The following PRMT9 variants were observed in gnomAD, a reference collection of about 807,000 sequenced individuals.
PRMT9 encodes the protein protein arginine N-methyltransferase 9.
A neutral mutation model predicts 83.2 loss-of-function variants in PRMT9; 59 were observed. The ratio of observed to expected loss-of-function variants is 0.71; its 90% CI spans 0.57 to 0.88. The LOEUF is 0.88. Ranked by LOEUF, PRMT9 falls within the 40% of genes least tolerant of loss-of-function variation. The probability of loss-of-function intolerance (pLI) is 0.00; values close to 1 mark genes in which losing one functional copy is unlikely to be tolerated. For missense variants in PRMT9, 947 were observed against 1,021.9 expected (o/e 0.93, Z 1.00); for synonymous variants, 333 against 353.2 (o/e 0.94, Z 0.64).
chr4:147,676,693 G>C (rs1736097841), intron 2 of PRMT9, among the ~76,000 whole-genome samples: 1 of 152,144 alleles, frequency 6.6e-6, no homozygotes, highest in African/African-American at 2.4e-5. Context: ...ACATTACTGA[G>C]ACTAGCTAAT....
At chr4:147,676,664 A>C (rs1453839089) in intron 2 of PRMT9, among the ~76,000 whole-genome samples, 2 of 152,204 alleles carry the variant, frequency 1.3e-5, no homozygotes, top group African/African-American at 2.4e-5. Context: ...AATTAAGACT[A>C]TTAAAATGCC....
rs369553737 is a variant in PRMT9, at chr4:147,652,084, C to T, written c.2045+1768G>A. Among the ~76,000 whole-genome samples the T allele has an allele frequency of 2.0e-5, 3 of 152,104 alleles. No individual in the cohort carries two copies. The South Asian group carries it at 6.2e-4, about 31-fold the overall frequency. On this transcript the variant is annotated intron_variant, in intron 9 of 11. Transcript: ENST00000322396. ...TTCATGTGTCACCATTCTCAACAGT[C>T]ACACTGCAACTACAAAAACAAAAAC...
intron 6 of PRMT9, among the ~76,000 whole-genome samples, chr4:147,665,108 C>T (rs1346327362): frequency 5.4e-5 from 6 of 110,148 alleles, no homozygotes; most frequent in African/African-American, 1.1e-4. Context: ...GAAACAAGAG[C>T]GAAACTCTGT....
Position 147,653,772 on chromosome 4 carries a change from G to C in PRMT9, c.2045+80C>G, listed in dbSNP as rs184937144. On this transcript the variant is annotated intron_variant, in intron 9 of 11. Transcript: ENST00000322396. The stretch of plus-strand genomic sequence containing the variant: ...TCTTGACTTATTTTTACAGTTAAGC[G>C]ATTAAAGAACTTAAGGAATTTACAT... 6.4e-5 allele frequency: 61 copies of C among 959,380 alleles called. No homozygotes were observed. The Admixed American group carries it at 1.3e-3, about 20-fold the overall frequency. 59.4% of individuals were successfully genotyped at this position (959,380 alleles called of 1,614,324 possible).
chr4:147,665,817 T>A (rs983097182), intron 6 of PRMT9, among the ~76,000 whole-genome samples: 8 of 152,208 alleles, frequency 5.3e-5, no homozygotes, highest in Admixed American at 5.2e-4. Context: ...AGGTGACTGT[T>A]ACATCATAAT....
chr4:147,640,119 C>T (rs1275142276), intron 10 of PRMT9, among the ~76,000 whole-genome samples: 1 of 125,746 alleles, frequency 8.0e-6, no homozygotes, highest in East Asian at 2.5e-4. Flanking sequence ...GTTCCCCAGG[C>T]TGGAGTGCAG....
intron 6 of PRMT9, among the ~76,000 whole-genome samples, chr4:147,664,456 C>T (rs1365337038): frequency 1.3e-5 from 2 of 152,132 alleles, no homozygotes; most frequent in Non-Finnish European, 2.9e-5. Flanking sequence ...AATTGTTTTA[C>T]AGAATGGTCC....
intron 6 of PRMT9, among the ~76,000 whole-genome samples, chr4:147,663,917 G>A (rs1166290053): frequency 3.9e-5 from 6 of 152,006 alleles, no homozygotes; most frequent in Non-Finnish European, 2.9e-5. Context: ...AAAGATACTT[G>A]TGTATCTTTA....
intron 8 of PRMT9, among the ~76,000 whole-genome samples, chr4:147,656,934 G>T (rs1347032737): frequency 2.6e-5 from 4 of 151,452 alleles, no homozygotes; most frequent in Admixed American, 2.6e-4. Context: ...GCCTAAAAAG[G>T]GTAGTTTTTC....
At chr4:147,674,280 G>A (rs544745719) in intron 2 of PRMT9, among the ~76,000 whole-genome samples, 6 of 152,138 alleles carry the variant, frequency 3.9e-5, no homozygotes, top group African/African-American at 1.2e-4. Flanking sequence ...TCAAGAGTCA[G>A]TTGTATTTGC....
At chr4:147,656,173 G>A (rs1734472212) in intron 8 of PRMT9, among the ~76,000 whole-genome samples, 1 of 152,004 alleles carries the variant, frequency 6.6e-6, no homozygotes, top group Non-Finnish European at 1.5e-5. Flanking sequence ...ACAACATACT[G>A]GCTACAACAA....
rs1269099730 is a variant in PRMT9 at position 147,657,930 on chromosome 4, G to A, written c.1192C>T (p.Pro398Ser). The stretch of plus-strand genomic sequence containing the variant: ...TCTAGTATGCCTTCTTTAATAACAG[G>A]AATACCAATCTTATCAGGCTTTTTA... ...ATKKPDKIGIPVIKEGILDAI... is the reference protein window; with the variant it reads ...ATKKPDKIGISVIKEGILDAI... The change falls in exon 8 of 12, where the codon CCT becomes TCT. Residue 398 changes from proline (P) to serine (S), a missense_variant. Coordinates refer to ENST00000322396, the MANE Select transcript of PRMT9 (RefSeq NM_138364.4). The A allele has an allele frequency of 6.2e-7, 1 of 1,600,056 alleles. No individual in the cohort carries two copies. The highest frequency in any genetic ancestry group is 8.5e-7 in the Non-Finnish European group (1 of 1,174,370).
At chr4:147,673,374 TAGAC>T (rs1578932643) in intron 3 of PRMT9, among the ~76,000 whole-genome samples, 1 of 152,162 alleles carries the variant, frequency 6.6e-6, no homozygotes, top group Non-Finnish European at 1.5e-5. Flanking sequence ...GGCTTTAACT[TAGAC>T]AACTAGATTC....
chr4:147,645,660 A>C (rs1733679165), intron 9 of PRMT9, among the ~76,000 whole-genome samples: 1 of 152,196 alleles, frequency 6.6e-6, no homozygotes, highest in Non-Finnish European at 1.5e-5. Flanking sequence ...ATTTTTCCTA[A>C]GTTTGAAAAT....
In PRMT9 at chr4:147,638,553, G is replaced by A; in HGVS notation, c.2517C>T (p.Val839=). ...VLSIQHHKSN[V]SITVKQ ...CTCTTCATTGCTTTACTGTGATGCTGACATTGCTTTTGTGATGCTGAATGC... is the reference window on the plus strand; with the variant it reads ...CTCTTCATTGCTTTACTGTGATGCTAACATTGCTTTTGTGATGCTGAATGC... Residue 839 remains valine (V), a synonymous_variant, in exon 12 of 12, where the codon GTC becomes GTT. Coordinates refer to ENST00000322396, the MANE Select transcript of PRMT9 (RefSeq NM_138364.4). The A allele has an allele frequency of 6.2e-7, 1 of 1,613,556 alleles. No homozygotes were observed. The highest frequency in any genetic ancestry group is 8.5e-7 in the Non-Finnish European group (1 of 1,179,600).
intron 10 of PRMT9, among the ~76,000 whole-genome samples, chr4:147,640,319 C>T (rs1335530786): frequency 6.6e-6 from 1 of 151,920 alleles, no homozygotes; most frequent in Non-Finnish European, 1.5e-5. Context: ...ACAATCTGCC[C>T]TCCTTGGCCT....
intron 9 of PRMT9, among the ~76,000 whole-genome samples, chr4:147,644,426 G>A (rs941307128): frequency 6.6e-6 from 1 of 150,522 alleles, no homozygotes; most frequent in African/African-American, 2.4e-5. Context: ...GAGAGTCAAG[G>A]GTTAACAAAA....
intron 9 of PRMT9, among the ~76,000 whole-genome samples, chr4:147,643,808 A>C (rs1403952682): frequency 6.6e-6 from 1 of 152,166 alleles, no homozygotes; most frequent in Non-Finnish European, 1.5e-5. Flanking sequence ...CTGCCTGGGC[A>C]ACATAGCAAG....
intron 1 of PRMT9, 79 bp downstream of exon 1, chr4:147,683,720 C>CGGG: frequency 1.9e-6 from 2 of 1,049,862 alleles, no homozygotes; most frequent in African/African-American, 1.7e-5. Context: ...AGCCCCTCCG[C>CGGG]TTTTTTTTTT....
Sources: allele counts gnomAD v4.1 joint callset (sites outside exome capture counted in the v4.1 genomes callset), GRCh38; gene constraint gnomAD v4.1.1; transcripts MANE v1.5; gene names NCBI Gene and HGNC (gene_info 2026-07-23, HGNC 2026-07-21).